Variants in GEMIN7 observed in about 807,000 individuals in gnomAD.
The protein encoded by GEMIN7 is gem-associated protein 7.
In GEMIN7, 7 loss-of-function variants were observed where a neutral mutation model predicts 7.8. The observed-to-expected ratio is 0.90, with a 90% confidence interval of 0.51 to 1.69. The LOEUF is 1.69. GEMIN7 is among the 40% of genes most tolerant of loss of function. The pLI is 0.00. For synonymous variants in GEMIN7, 68 were observed against 72.4 expected, an observed-to-expected ratio of 0.94 and a Z score of 0.31; for missense variants, 159 against 176.2, an observed-to-expected ratio of 0.90 and a Z score of 0.55.
chr19:45,076,456 C>T (rs1967356862), upstream of GEMIN7: 3 of 1,060,510 alleles, frequency 2.8e-6, no homozygotes, highest in Non-Finnish European at 2.4e-6. This position sits in a 1 kb window ranked among gnomAD's most constrained non-coding sequence, Gnocchi z 4.9. Context: ...ACGCGCGGAC[C>T]GTGCGCGCTC....
upstream of GEMIN7, among the ~76,000 whole-genome samples, chr19:45,078,055 T>A (rs1345709659): frequency 6.7e-6 from 1 of 150,366 alleles, no homozygotes; most frequent in Non-Finnish European, 1.5e-5. Flanking sequence ...TTAAGTTCCA[T>A]GGCAACCCAG....
chr19:45,079,030 C>T (rs142236831), upstream of GEMIN7, among the ~76,000 whole-genome samples: 1,546 of 152,370 alleles, frequency 0.01, 10 homozygotes, highest in Admixed American at 0.017. Context: ...TCAGTTTCTT[C>T]CTGCCTAAAA....
chr19:45,080,778 T>C (rs932302832), intron 2 of GEMIN7, among the ~76,000 whole-genome samples: 1 of 150,688 alleles, frequency 6.6e-6, no homozygotes, highest in African/African-American at 2.4e-5. Context: ...TTTTTTTTTT[T>C]TTTTCCTGAT....
At chr19:45,086,562 C>G (rs186694859) in intron 2 of GEMIN7, among the ~76,000 whole-genome samples, 1 of 152,148 alleles carries the variant, frequency 6.6e-6, no homozygotes, top group East Asian at 1.9e-4. Context: ...TCCCCATGCC[C>G]GCCCTGTGAG....
rs562861706 is a variant in GEMIN7, at chr19:45,083,799, A to G, written c.-9+3770A>G. ...ATTTTTCTGGAGACGAGATTTTGCT[A>G]TGTTGCCCAAGCTGGTCTCAAATTC... On this transcript the variant is annotated intron_variant, in intron 2 of 2. Transcript: ENST00000270257. Among the ~76,000 whole-genome samples the G allele has an allele frequency of 7.9e-5, 12 of 151,470 alleles. No homozygotes were observed. In the East Asian group the frequency reaches 2.0e-3, roughly 25 times the overall value.
intron 2 of GEMIN7, among the ~76,000 whole-genome samples, chr19:45,081,170 A>C (rs1024943887): frequency 4.6e-5 from 7 of 152,192 alleles, no homozygotes; most frequent in African/African-American, 1.7e-4. Flanking sequence ...CTTTTTAAAA[A>C]ATTAGAAAAT....
At chr19:45,076,152 G>A (rs554899261), upstream of GEMIN7, 15 of 1,545,994 alleles carry the variant, frequency 9.7e-6, no homozygotes, top group East Asian at 3.0e-4. The surrounding 1 kb of genome is among the most constrained non-coding windows in gnomAD (Gnocchi z 4.9). Context: ...CGGCCCCGGC[G>A]GGCATGGGGC....
chr19:45,075,658 A>G, upstream of GEMIN7: 3 of 1,596,758 alleles, frequency 1.9e-6, no homozygotes, highest in Non-Finnish European at 2.6e-6. Flanking sequence ...GCCCCTTTCC[A>G]GCAGGAAGCC....
At chr19:45,087,642 T>C (rs1262258719) in intron 2 of GEMIN7, among the ~76,000 whole-genome samples, 1 of 152,028 alleles carries the variant, frequency 6.6e-6, no homozygotes, top group Non-Finnish European at 1.5e-5. Flanking sequence ...CCTGTGTGGC[T>C]GGGGTGGGGA....
intron 2 of GEMIN7, among the ~76,000 whole-genome samples, chr19:45,084,214 A>AC (rs1491540316): frequency 4.5e-5 from 1 of 22,104 alleles, no homozygotes; most frequent in Non-Finnish European, 1.2e-4. Context: ...TCCATCTCAC[A>AC]AAAAAAAAAA....
upstream of GEMIN7, among the ~76,000 whole-genome samples, chr19:45,078,578 G>A (rs549060642): frequency 3.3e-5 from 5 of 152,092 alleles, no homozygotes; most frequent in African/African-American, 4.8e-5. Flanking sequence ...TATTTATTGC[G>A]CACCTACTAT....
chr19:45,079,134 G>C (rs1467900744), upstream of GEMIN7: 1 of 152,258 alleles, frequency 6.6e-6, no homozygotes, highest in African/African-American at 2.4e-5. Context: ...GGCTGTGCTG[G>C]CTTCCAAGCC....
rs986276963 is a variant in GEMIN7 at position 45,090,675 on chromosome 19, G to A, written c.*165G>A. Reference sequence around the variant, plus strand: ...TCCTGAGACCTCCTGGGTCTAGTCAGTAAAATTCTGCAACTCTAGGAATTC... The same window carrying A: ...TCCTGAGACCTCCTGGGTCTAGTCAATAAAATTCTGCAACTCTAGGAATTC... On this transcript the variant is annotated 3_prime_UTR_variant, in exon 3 of 3. Coordinates refer to ENST00000270257, the MANE Select transcript of GEMIN7 (RefSeq NM_024707.3). The A allele has an allele frequency of 1.6e-6, 1 of 624,296 alleles. No individual in the cohort carries two copies. Among genetic ancestry groups the A allele is most frequent in the Admixed American group, 3.0e-5 (1 of 33,506 alleles). 38.7% of individuals were successfully genotyped at this position (624,296 alleles called of 1,614,324 possible).
chr19:45,088,936 C>CTTTTTTTTTTT (rs368470130), intron 2 of GEMIN7, among the ~76,000 whole-genome samples: 3 of 143,202 alleles, frequency 2.1e-5, no homozygotes, highest in South Asian at 2.2e-4. Context: ...CCCATCCATG[C>CTTTTTTTTTTT]TTTTTTTTTT....
intron 2 of GEMIN7, among the ~76,000 whole-genome samples, chr19:45,089,075 G>A (rs1243701870): frequency 6.6e-6 from 1 of 151,792 alleles, no homozygotes; most frequent in Admixed American, 6.6e-5. Context: ...CCGAGTAGCT[G>A]GGACTACAGG....
upstream of GEMIN7, chr19:45,079,209 C>CT (rs1426909822): frequency 6.6e-6 from 1 of 152,376 alleles, no homozygotes; most frequent in Non-Finnish European, 1.5e-5. Context: ...GGCTCCGCGG[C>CT]TTGCGGCCTG....
At chr19:45,076,524 G>T (rs994083559), upstream of GEMIN7, 27 of 523,834 alleles carry the variant, frequency 5.2e-5, no homozygotes, top group African/African-American at 5.4e-4. This position sits in a 1 kb window ranked among gnomAD's most constrained non-coding sequence, Gnocchi z 4.9. Flanking sequence ...CGGGCCCGTG[G>T]CTCCGCCTAC....
At chr19:45,083,188 G>A (rs1452724582) in intron 2 of GEMIN7, among the ~76,000 whole-genome samples, 2 of 152,236 alleles carry the variant, frequency 1.3e-5, no homozygotes, top group East Asian at 3.8e-4. Context: ...GCTCACGCCT[G>A]TAATCCCGGC....
At chr19:45,080,774 T>G (rs1025845144) in intron 2 of GEMIN7, among the ~76,000 whole-genome samples, 2 of 150,374 alleles carry the variant, frequency 1.3e-5, no homozygotes, top group Non-Finnish European at 3.0e-5. Context: ...TGTTTTTTTT[T>G]TTTTTTTTCC....
Sources: allele counts gnomAD v4.1 joint callset (sites outside exome capture counted in the v4.1 genomes callset), GRCh38; gene constraint gnomAD v4.1.1; non-coding constraint Gnocchi (gnomAD v3.1); transcripts MANE v1.5; gene names NCBI Gene and HGNC (gene_info 2026-07-23, HGNC 2026-07-21).